Variants in AMZ1 observed in about 807,000 individuals in gnomAD.
AMZ1 encodes the protein archaelysin family metallopeptidase 1.
Under a neutral mutation model 29.9 loss-of-function variants are expected in AMZ1, and 39 were observed. The observed-to-expected ratio is 1.30, with a 90% CI of 1.01 to 1.70. The LOEUF (loss-of-function observed/expected upper bound fraction) is 1.70. Among genes scored for constraint, AMZ1 ranks in the 40% most tolerant of loss-of-function variants. The probability of loss-of-function intolerance (pLI) is 0.00; values close to 1 mark genes in which losing one functional copy is unlikely to be tolerated. For missense variants in AMZ1, 1,041 were observed against 680.6 expected (o/e 1.53, Z -5.89); for synonymous variants, 458 against 304.0 (o/e 1.51, Z -5.27).
rs910052962 is a variant in AMZ1, at chr7:2,731,075, G to A, written n.550+21259G>A. On this transcript the variant is annotated intron_variant and non_coding_transcript_variant, in intron 4 of 4. Coordinates refer to the AMZ1 transcript ENST00000489665. This position sits in a 1 kb window ranked among gnomAD's most constrained non-coding sequence, Gnocchi z 6.0. ...TCCTGAGCCAGGTATTCCAGGGCAC[G>A]GATCCGAGAAACCCACTCAAGGACC... 2.1e-5 allele frequency: 15 copies of A among 727,350 alleles called. No individual in the cohort carries two copies. The highest frequency in any genetic ancestry group is 2.5e-5 in the Non-Finnish European group (11 of 438,704). 45.1% of individuals were successfully genotyped at this position (727,350 alleles called of 1,614,324 possible).
intron 4 of AMZ1, among the ~76,000 whole-genome samples, chr7:2,746,135 C>T (rs1790752002): frequency 1.3e-5 from 2 of 152,062 alleles, no homozygotes; most frequent in Admixed American, 6.6e-5. Flanking sequence ...AACAAGGATA[C>T]CCAGGAATTG....
intron 4 of AMZ1, chr7:2,729,477 C>G (rs1789775167): frequency 6.6e-6 from 1 of 152,602 alleles, no homozygotes; most frequent in Middle Eastern, 3.4e-3. Context: ...CAAACACTGA[C>G]ACACAGCCTC....
At chr7:2,764,539 T>C (rs546454331), upstream of AMZ1, 1 of 152,376 alleles carries the variant, frequency 6.6e-6, no homozygotes, top group South Asian at 2.1e-4. Flanking sequence ...CAGCGTTTAC[T>C]TCACAATCCA....
chr7:2,697,171 C>G (rs147120284), intron 1 of AMZ1, among the ~76,000 whole-genome samples: 2 of 152,082 alleles, frequency 1.3e-5, no homozygotes, highest in Non-Finnish European at 2.9e-5. Flanking sequence ...GGCGCAATCT[C>G]GGCTCACTGC....
At chr7:2,725,285 C>T (rs1789573350) in intron 4 of AMZ1, among the ~76,000 whole-genome samples, 1 of 152,222 alleles carries the variant, frequency 6.6e-6, no homozygotes, top group African/African-American at 2.4e-5. Context: ...GGCAGAACCA[C>T]GCCACGCCAG....
At position 2,709,255 on chromosome 7, in the gene AMZ1, G is replaced by C. The variant is rs763279392; in HGVS notation, c.771+11G>C. ...GTTCAGTGCTGCAAGGTGGGTGGGG[G>C]CTCTGGGGCTGGTAAGAGGGGACAG... On this transcript the variant is annotated intron_variant, in intron 5 of 6. Transcript: ENST00000683327. The C allele has an allele frequency of 3.1e-5, 46 of 1,488,288 alleles. No individual in the cohort carries two copies. Among genetic ancestry groups the C allele is most frequent in the Non-Finnish European group, 4.0e-5 (45 of 1,123,034 alleles). 92.2% of individuals were successfully genotyped at this position (1,488,288 alleles called of 1,614,324 possible).
rs1789187593 is a variant in AMZ1 at position 2,717,334 on chromosome 7, G to A, written c.*4456G>A. 6.6e-6 allele frequency among the ~76,000 whole-genome samples: 1 copy of A among 152,260 alleles called. No homozygotes were observed. The highest frequency in any genetic ancestry group is 2.1e-4 in the South Asian group (1 of 4,834). Reference sequence around the variant, plus strand: ...TCATAGACCTGAACTGGGTCTGCCTGCCTGTGTGCTGGAAGCAAACGACGG... The same window carrying A: ...TCATAGACCTGAACTGGGTCTGCCTACCTGTGTGCTGGAAGCAAACGACGG... On this transcript the variant is annotated 3_prime_UTR_variant, in exon 7 of 7. Coordinates refer to ENST00000683327, the MANE Select transcript of AMZ1 (RefSeq NM_001384743.1).
Position 2,709,189 on chromosome 7 carries a change from A to G in AMZ1, c.716A>G (p.Gln239Arg), listed in dbSNP as rs1788581061. The G allele has an allele frequency of 6.5e-7, 1 of 1,536,440 alleles. No individual in the cohort carries two copies. Residue 239 changes from glutamine (Q) to arginine (R), a missense_variant, in exon 5 of 7, where the codon CAG (glutamine) becomes CGG (arginine). Gln to Arg is a conservative substitution (Grantham distance 43). Transcript: ENST00000683327. ...GCAGACGGCCCCGAGGCCCCCCTGC[A>G]GGACAGGGGCTGGGCCCTGTGCTTC... Reference protein sequence around the residue: ...AAADGPEAPLQDRGWALCFSA... With the variant: ...AAADGPEAPLRDRGWALCFSA...
intron 4 of AMZ1, among the ~76,000 whole-genome samples, chr7:2,735,777 G>C (rs1200593032): frequency 6.6e-6 from 1 of 152,188 alleles, no homozygotes; most frequent in Non-Finnish European, 1.5e-5. Context: ...GTCAAATCTA[G>C]TTTCATGTCA....
rs1788893342 is a variant in AMZ1 at position 2,712,889 on chromosome 7, G to T, written c.*11G>T. The T allele has an allele frequency of 2.0e-6, 3 of 1,511,216 alleles. No individual in the cohort carries two copies. In the East Asian group the frequency reaches 6.9e-5, roughly 35 times the overall value. 93.6% of individuals were successfully genotyped at this position (1,511,216 alleles called of 1,614,324 possible). A position where few individuals can be genotyped will look rare whatever the true frequency, so the allele number is the denominator to read the frequency against. On this transcript the variant is annotated 3_prime_UTR_variant, in exon 7 of 7. Transcript: ENST00000683327. Reference sequence around the variant, plus strand: ...GGGGAAGAGAGTTAGTACAGCAGGGGCTGCCCTACGTCTCCTTCCCTAAGG... The same window carrying T: ...GGGGAAGAGAGTTAGTACAGCAGGGTCTGCCCTACGTCTCCTTCCCTAAGG...
downstream of AMZ1, among the ~76,000 whole-genome samples, chr7:2,721,172 C>T (rs865862514): frequency 5.3e-5 from 8 of 152,114 alleles, no homozygotes; most frequent in Non-Finnish European, 8.8e-5. Context: ...CAACCCAGGA[C>T]GCCTGTGCCT....
intron 4 of AMZ1, among the ~76,000 whole-genome samples, chr7:2,758,670 C>A (rs780305297): frequency 6.6e-6 from 1 of 152,196 alleles, no homozygotes; most frequent in Non-Finnish European, 1.5e-5. Context: ...CTTGGAGGAA[C>A]CCCTGTGCTA....
downstream of AMZ1, among the ~76,000 whole-genome samples, chr7:2,722,837 G>A (rs1397611453): frequency 1.3e-5 from 2 of 152,094 alleles, no homozygotes; most frequent in Non-Finnish European, 2.9e-5. Flanking sequence ...GCCAGGTGCG[G>A]GTGGTGGCCA....
chr7:2,751,030 A>G (rs1370279766), intron 4 of AMZ1, among the ~76,000 whole-genome samples: 1 of 152,224 alleles, frequency 6.6e-6, no homozygotes, highest in Non-Finnish European at 1.5e-5. Context: ...ATGTTAAAAT[A>G]TCAACACTTT....
rs1789297838 is a variant in AMZ1 at position 2,719,026 on chromosome 7, C to CTTT, written c.*6148_*6149insTTT. On this transcript the variant is annotated 3_prime_UTR_variant, in exon 7 of 7. Coordinates refer to ENST00000683327, the MANE Select transcript of AMZ1 (RefSeq NM_001384743.1). The stretch of plus-strand genomic sequence containing the variant: ...CAGGCGACTTTTTTTTTTTTTTTTC[C>CTTT]CCCCCATCTGAAGTGAGATCAAACT... Among the ~76,000 whole-genome samples, 2 of 28,994 alleles carry CTTT rather than the reference C, an allele frequency of 6.9e-5. No individual in the cohort carries two copies. The allele number at this position is 28,994 out of a possible 152,430, so 19.0% of individuals were successfully genotyped here.
intron 4 of AMZ1, 113 bp downstream of exon 4, chr7:2,708,829 G>A (rs1349044070): frequency 5.3e-6 from 8 of 1,509,178 alleles, no homozygotes; most frequent in Non-Finnish European, 6.3e-6. Context: ...CCTGGTGGAA[G>A]TCAACACCTG....
intron 4 of AMZ1, among the ~76,000 whole-genome samples, chr7:2,741,097 A>T (rs113998421): frequency 0.016 from 2,485 of 152,244 alleles, 70 homozygotes; most frequent in African/African-American, 0.056. Flanking sequence ...ACCACTATAG[A>T]TTTAGATTCT....
rs144242890 is a variant in AMZ1, at chr7:2,709,907, C to A, written c.948+91C>A. On this transcript the variant is annotated intron_variant, in intron 6 of 6. Coordinates refer to ENST00000683327, the MANE Select transcript of AMZ1 (RefSeq NM_001384743.1). ...TGGAGGCTACGCAGGGCATGGGGAC[C>A]GCACACAGGCTTTGTCAACTGCCGG... 5.8e-4 allele frequency: 882 copies of A among 1,519,934 alleles called. 2 individuals carry two copies. Among genetic ancestry groups the A allele is most frequent in the Non-Finnish European group, 7.0e-4 (785 of 1,122,800 alleles). 94.2% of individuals were successfully genotyped at this position (1,519,934 alleles called of 1,614,324 possible). A position where few individuals can be genotyped will look rare whatever the true frequency, so the allele number is the denominator to read the frequency against.
chr7:2,718,694 C>G lies in AMZ1; in HGVS notation c.*5816C>G, dbSNP rs1789275343. On this transcript the variant is annotated 3_prime_UTR_variant, in exon 7 of 7. Coordinates refer to ENST00000683327, the MANE Select transcript of AMZ1 (RefSeq NM_001384743.1). ...TCCAACACTTTCTCACGTAGGAGCT[C>G]CACTGTCCCTTCTAACAGGACAGGG... is the stretch of plus-strand genomic sequence containing the variant. Among the ~76,000 whole-genome samples, 1 of 152,204 alleles carries G rather than the reference C, an allele frequency of 6.6e-6. No individual in the cohort carries two copies. Among genetic ancestry groups the G allele is most frequent in the Admixed American group, 6.5e-5 (1 of 15,282 alleles).
Sources: gnomAD v4.1 joint callset for allele counts (sites outside exome capture counted in the v4.1 genomes callset) on GRCh38, gnomAD v4.1.1 for gene constraint, Gnocchi (gnomAD v3.1) non-coding constraint, MANE v1.5 for transcripts, NCBI Gene and HGNC (gene_info 2026-07-23, HGNC 2026-07-21) for gene names.